Variants in TDRD6 observed in about 807,000 individuals in gnomAD.
TDRD6 encodes tudor domain-containing protein 6.
In TDRD6, 186 loss-of-function variants were observed where a neutral mutation model predicts 157.5. That is an observed-to-expected ratio of 1.18 (90% CI 1.05 to 1.33). The LOEUF (loss-of-function observed/expected upper bound fraction) is 1.33, where lower values mean the gene tolerates loss of function less well. TDRD6 is among the 40% of genes most tolerant of loss of function. The pLI is 0.00. For missense variants in TDRD6, 3,066 were observed against 2,508.0 expected, an observed-to-expected ratio of 1.22 and a Z score of -4.75; for synonymous variants, 1,075 against 945.2, an observed-to-expected ratio of 1.14 and a Z score of -2.52.
chr6:46,699,781 T>C (rs1764578459), intron 3 of TDRD6, among the ~76,000 whole-genome samples: 1 of 152,208 alleles, frequency 6.6e-6, no homozygotes, highest in Non-Finnish European at 1.5e-5. Flanking sequence ...CTTTGAGTAG[T>C]TGCTTTTTAT....
upstream of TDRD6, chr6:46,687,813 C>A (rs182747628): frequency 1.1e-3 from 358 of 320,508 alleles, 1 homozygote; most frequent in African/African-American, 7.4e-3. Context: ...AGGCGTTAGG[C>A]CAACCCCAGG....
Position 46,702,740 on chromosome 6 carries a change from C to T in TDRD6, c.*853C>T, listed in dbSNP as rs1470086489. ...ACCCAGACCTACCTAACTTTGAAGC[C>T]CATGACTTTTTAAACATGATTTTGC... On this transcript the variant is annotated 3_prime_UTR_variant, in exon 4 of 4. Coordinates refer to ENST00000316081, the MANE Select transcript of TDRD6 (RefSeq NM_001010870.3). The T allele has an allele frequency of 6.6e-6, 1 of 152,016 alleles. No homozygotes were observed. Among genetic ancestry groups the T allele is most frequent in the Admixed American group, 6.6e-5 (1 of 15,254 alleles). The allele number at this position is 152,016 out of a possible 1,614,324, so 9.4% of individuals were successfully genotyped here. A position where few individuals can be genotyped will look rare whatever the true frequency, so the allele number is the denominator to read the frequency against.
At chr6:46,696,689 G>T in intron 2 of TDRD6, among the ~76,000 whole-genome samples, 1 of 130,160 alleles carries the variant, frequency 7.7e-6, no homozygotes. Context: ...TTGGCTCACT[G>T]CAAGCTCTGC....
intron 2 of TDRD6, among the ~76,000 whole-genome samples, chr6:46,696,513 ATATATATGTGTG>A (rs1379895323): frequency 4.6e-5 from 6 of 131,828 alleles, no homozygotes; most frequent in Admixed American, 4.1e-4. Flanking sequence ...ATATATATGT[ATATATATGTGTG>A]TATATATGTG....
In TDRD6 at chr6:46,691,954, C is replaced by T; in HGVS notation, c.3826C>T (p.Leu1276Phe). 6.2e-7 allele frequency: 1 copy of T among 1,613,104 alleles called. No individual in the cohort carries two copies. The highest frequency in any genetic ancestry group is 8.5e-7 in the Non-Finnish European group (1 of 1,179,782). The change falls in exon 1 of 4, where the codon CTT (leucine) becomes TTT (phenylalanine). Residue 1276 changes from leucine to phenylalanine, a missense_variant. Leu to Phe is a conservative substitution (Grantham distance 22, BLOSUM62 0). Coordinates refer to ENST00000316081, the MANE Select transcript of TDRD6 (RefSeq NM_001010870.3). ...GAAAACAGCAAGAGTAGAAGCTACT[C>T]TTTCAGAGAGAAAAATAGGAGATTC... ...PLKTARVEAT[L>F]SERKIGDSCD...
In TDRD6 at chr6:46,689,628, T is replaced by A. The variant is rs749221624; in HGVS notation, c.1500T>A (p.Ser500=). The change falls in exon 1 of 4, where the codon TCT becomes TCA. Residue 500 remains serine (S), a synonymous_variant. Transcript: ENST00000316081. ...AGGTAGAGTTTGTTAAAAATCCTTCTGAGTTTTGGATTAGGTTGAGGAAAC... is the reference window on the plus strand; with the variant it reads ...AGGTAGAGTTTGTTAAAAATCCTTCAGAGTTTTGGATTAGGTTGAGGAAAC... ...DAQVEFVKNP[S]EFWIRLRKHN... 4 of 1,614,080 alleles carry A rather than the reference T, an allele frequency of 2.5e-6. No individual in the cohort carries two copies. The highest frequency in any genetic ancestry group is 2.7e-5 in the African/African-American group (2 of 74,928).
chr6:46,680,596 A>G, the TDRD6 span, among the ~76,000 whole-genome samples: 1 of 152,114 alleles, frequency 6.6e-6, no homozygotes, highest in Non-Finnish European at 1.5e-5. Context: ...TCCATGGGGC[A>G]ACTTTGGGCA....
At position 46,694,315 on chromosome 6, in the gene TDRD6, A is replaced by G. The variant is rs879763855; in HGVS notation, c.6046+141A>G. 1.3e-4 allele frequency: 72 copies of G among 554,874 alleles called. No individual in the cohort carries two copies. In the African/African-American group the frequency reaches 1.3e-3, roughly 10 times the overall value. The allele number at this position is 554,874 out of a possible 1,614,324, so 34.4% of individuals were successfully genotyped here. A position where few individuals can be genotyped will look rare whatever the true frequency, so the allele number is the denominator to read the frequency against. On this transcript the variant is annotated intron_variant, in intron 1 of 3. Transcript: ENST00000316081. ...CCTCCCAGGCTCTAGTGATTTTCCC[A>G]CCTCAGCCTCCCAAGTAGCTGGGAC...
Position 46,693,325 on chromosome 6 carries a change from A to C in TDRD6, c.5197A>C (p.Ser1733Arg). 1 of 1,604,648 alleles carries C rather than the reference A, an allele frequency of 6.2e-7. No individual in the cohort carries two copies. The highest frequency in any genetic ancestry group is 8.5e-7 in the Non-Finnish European group (1 of 1,177,578). Residue 1733 changes from serine to arginine, a missense_variant, in exon 1 of 4, where the codon AGT (serine) becomes CGT (arginine). Transcript: ENST00000316081. ...YNLDVGLKKL[S>R]NKAVQNKIYM... ...TCTTGATGTAGGACTTAAGAAATTA[A>C]GTAATAAAGCTGTACAAAATAAAAT...
chr6:46,682,821 G>T, the TDRD6 span, among the ~76,000 whole-genome samples: 1 of 151,816 alleles, frequency 6.6e-6, no homozygotes, highest in South Asian at 2.1e-4. Flanking sequence ...ATTACTGAGA[G>T]AAATTAAAGA....
At chr6:46,682,297 A>C in the TDRD6 span, among the ~76,000 whole-genome samples, 1 of 152,062 alleles carries the variant, frequency 6.6e-6, no homozygotes, top group Non-Finnish European at 1.5e-5. Flanking sequence ...AAAATTCAAC[A>C]GTATTTGATG....
intron 1 of TDRD6, among the ~76,000 whole-genome samples, chr6:46,694,822 A>G (rs896137751): frequency 6.6e-6 from 1 of 152,202 alleles, no homozygotes; most frequent in Non-Finnish European, 1.5e-5. Flanking sequence ...TTCCCTTGCC[A>G]AATTTATGGC....
Position 46,690,886 on chromosome 6 carries a change from T to A in TDRD6, c.2758T>A (p.Leu920Ile). 6.2e-7 allele frequency: 1 copy of A among 1,613,796 alleles called. No individual in the cohort carries two copies. The highest frequency in any genetic ancestry group is 1.1e-5 in the South Asian group (1 of 90,998). Residue 920 changes from leucine to isoleucine, a missense_variant, in exon 1 of 4, where the codon TTA becomes ATA. Transcript: ENST00000316081. Reference sequence around the variant, plus strand: ...TAATGCATGGCAAAAAAATCTAGAATTAAAATGTACAATATTTGCTCTGGC... The same window carrying A: ...TAATGCATGGCAAAAAAATCTAGAAATAAAATGTACAATATTTGCTCTGGC... ...IDNAWQKNLE[L>I]KCTIFALASI...
At position 46,689,053 on chromosome 6, in the gene TDRD6, A is replaced by G. The variant is rs1415578351; in HGVS notation, c.925A>G (p.Ser309Gly). The G allele has an allele frequency of 1.2e-6, 2 of 1,613,830 alleles. No individual in the cohort carries two copies. Among genetic ancestry groups the G allele is most frequent in the East Asian group, 4.5e-5 (2 of 44,844 alleles). Residue 309 changes from serine (S) to glycine (G), a missense_variant, in exon 1 of 4, where the codon AGC becomes GGC. Coordinates refer to ENST00000316081, the MANE Select transcript of TDRD6 (RefSeq NM_001010870.3). ...TGCCACCTGGGAGGAGAGGGAGGAG[A>G]GCCCAGATAAGCCGGGCTCTCCGTG... is the stretch of plus-strand genomic sequence containing the variant. ...TSATWEEREE[S>G]PDKPGSPCAS...
chr6:46,695,801 T>TA lies in TDRD6; in HGVS notation c.6047-19dup. ...GAATTAAGAGATATGCATTGAGTCT[T>TA]ACTCAATTCAATTTGGCAGCTCAAC... On this transcript the variant is annotated intron_variant, in intron 1 of 3. Coordinates refer to ENST00000316081, the MANE Select transcript of TDRD6 (RefSeq NM_001010870.3). 1 of 1,608,698 alleles carries TA rather than the reference T, an allele frequency of 6.2e-7. No homozygotes were observed. The highest frequency in any genetic ancestry group is 1.1e-5 in the South Asian group (1 of 90,104).
At position 46,691,521 on chromosome 6, in the gene TDRD6, AG is replaced by A. The variant is rs1562055798; in HGVS notation, c.3394del (p.Asp1132IlefsTer6). ...KSLKALVVAK[D>X]PDGTLIIELY... Reference sequence around the variant, plus strand: ...CATTGAAGGCTTTAGTTGTAGCAAAAGATCCAGATGGAACACTGATTATAGA... The same window carrying A: ...CATTGAAGGCTTTAGTTGTAGCAAAAATCCAGATGGAACACTGATTATAGA... On this transcript the variant is annotated frameshift_variant, in exon 1 of 4. Transcript: ENST00000316081. LOFTEE classifies it high-confidence loss of function. 1 of 1,614,070 alleles carries A rather than the reference AG, an allele frequency of 6.2e-7. No homozygotes were observed. The highest frequency in any genetic ancestry group is 8.5e-7 in the Non-Finnish European group (1 of 1,179,940).
rs143137095 is a variant in TDRD6 at position 46,689,264 on chromosome 6, A to G, written c.1136A>G (p.Tyr379Cys). Residue 379 changes from tyrosine to cysteine, a missense_variant, in exon 1 of 4, where the codon TAT becomes TGT. Physicochemically the swap from Tyr to Cys is radical, Grantham distance 194. Coordinates refer to ENST00000316081, the MANE Select transcript of TDRD6 (RefSeq NM_001010870.3). ...MPVVTYPCALYGLWDGGRGWS... is the reference protein window; with the variant it reads ...MPVVTYPCALCGLWDGGRGWS... ...GTGGTGACCTACCCTTGTGCTTTGT[A>G]TGGACTCTGGGACGGTGGGAGAGGC... 156 of 1,614,072 alleles carry G rather than the reference A, an allele frequency of 9.7e-5. No individual in the cohort carries two copies. The highest frequency in any genetic ancestry group is 1.6e-4 in the Middle Eastern group (1 of 6,062).
At position 46,689,908 on chromosome 6, in the gene TDRD6, C is replaced by A. The variant is rs1471195432; in HGVS notation, c.1780C>A (p.Pro594Thr). 1 of 1,614,106 alleles carries A rather than the reference C, an allele frequency of 6.2e-7. No homozygotes were observed. The highest frequency in any genetic ancestry group is 1.7e-5 in the Admixed American group (1 of 60,016). ...GCTGCTTCCTCAGTTTAGGCAGCTA[C>A]CAATATTGGCTGTGAAGTGCACCCT... The part of the protein sequence containing the change: ...RMLLPQFRQL[P>T]ILAVKCTLAD... The change falls in exon 1 of 4, where the codon CCA becomes ACA. Residue 594 changes from proline to threonine, a missense_variant. Pro to Thr is a conservative substitution (Grantham distance 38). Transcript: ENST00000316081.
chr6:46,694,579 A>G (rs1454969877), intron 1 of TDRD6, among the ~76,000 whole-genome samples: 2 of 152,238 alleles, frequency 1.3e-5, no homozygotes, highest in Non-Finnish European at 2.9e-5. Context: ...GTAAGAGATT[A>G]AAAACCTGGA....
Sources: gnomAD v4.1 joint callset for allele counts (sites outside exome capture counted in the v4.1 genomes callset) on GRCh38, gnomAD v4.1.1 for gene constraint, MANE v1.5 for transcripts, NCBI Gene and HGNC (gene_info 2026-07-23, HGNC 2026-07-21) for gene names.